Variants in OTUB2 observed in about 807,000 individuals in gnomAD.
The protein encoded by OTUB2 is ubiquitin thioesterase OTUB2.
Under a neutral mutation model 25.1 loss-of-function variants are expected in OTUB2, and 21 were observed. The ratio of observed to expected loss-of-function variants is 0.84; its 90% CI spans 0.59 to 1.21. The LOEUF is 1.21. Ranked by LOEUF, OTUB2 falls within the 50% of genes most tolerant of loss-of-function variation. OTUB2 has a pLI of 0.00. For synonymous variants in OTUB2, 122 were observed against 122.8 expected, an observed-to-expected ratio of 0.99 and a Z score of 0.04; for missense variants, 283 against 298.0, an observed-to-expected ratio of 0.95 and a Z score of 0.37.
At chr14:94,036,413 A>G (rs910840652) in intron 1 of OTUB2, among the ~76,000 whole-genome samples, 6 of 152,182 alleles carry the variant, frequency 3.9e-5, no homozygotes, top group African/African-American at 7.2e-5. Context: ...GCTGTAAACT[A>G]TAAGTGGCTT....
At chr14:94,026,561 G>A in intron 1 of OTUB2, 21 bp downstream of exon 1, 4 of 1,241,206 alleles carry the variant, frequency 3.2e-6, no homozygotes, top group Non-Finnish European at 3.0e-6. Flanking sequence ...GTGGGGGATC[G>A]CGAAGGGGGA....
At chr14:94,033,934 A>G (rs1228011086) in intron 1 of OTUB2, among the ~76,000 whole-genome samples, 1 of 152,258 alleles carries the variant, frequency 6.6e-6, no homozygotes, top group Non-Finnish European at 1.5e-5. Flanking sequence ...AGAATAGACC[A>G]AAACATGTTA....
intron 1 of OTUB2, among the ~76,000 whole-genome samples, chr14:94,036,097 G>A (rs8013924): frequency 0.54 from 81,703 of 151,936 alleles, 23,565 homozygotes; most frequent in African/African-American, 0.76. Context: ...AAATCCGGAT[G>A]TATTTCTTCA....
Position 94,039,301 on chromosome 14 carries a change from T to G in OTUB2, c.218+220T>G. 1.0e-5 allele frequency: 6 copies of G among 583,564 alleles called. No individual in the cohort carries two copies. In the South Asian group the frequency reaches 1.1e-4, roughly 10 times the overall value. The allele number at this position is 583,564 out of a possible 1,614,324, so 36.1% of individuals were successfully genotyped here. A position where few individuals can be genotyped will look rare whatever the true frequency, so the allele number is the denominator to read the frequency against. On this transcript the variant is annotated intron_variant, in intron 3 of 5. Coordinates refer to ENST00000203664, the MANE Select transcript of OTUB2 (RefSeq NM_023112.4). ...AGGATGGAATCTGTGACCTCCCAGA[T>G]GCTTTCCAGCCTCTGCTTCCACCAC...
chr14:94,032,117 G>A (rs1374344609), intron 1 of OTUB2, among the ~76,000 whole-genome samples: 1 of 152,154 alleles, frequency 6.6e-6, no homozygotes, highest in Non-Finnish European at 1.5e-5. Flanking sequence ...AACTTCGGCG[G>A]ACTTGGGTCA....
intron 1 of OTUB2, among the ~76,000 whole-genome samples, chr14:94,036,969 T>G (rs908873145): frequency 6.6e-6 from 1 of 152,144 alleles, no homozygotes; most frequent in Non-Finnish European, 1.5e-5. Flanking sequence ...GCTGGGCATG[T>G]GGATGTTCAG....
intron 1 of OTUB2, among the ~76,000 whole-genome samples, chr14:94,028,279 A>G (rs925832062): frequency 9.2e-5 from 14 of 152,352 alleles, no homozygotes; most frequent in African/African-American, 3.4e-4. Context: ...TTGAGCACCT[A>G]CTGCATGCGG....
At chr14:94,031,980 T>G (rs913652767) in intron 1 of OTUB2, among the ~76,000 whole-genome samples, 1 of 152,118 alleles carries the variant, frequency 6.6e-6, no homozygotes, top group Non-Finnish European at 1.5e-5. Flanking sequence ...GTCAGCCAGG[T>G]CAAGCATCAT....
chr14:94,032,417 A>G (rs1216900318), intron 1 of OTUB2, among the ~76,000 whole-genome samples: 3 of 152,228 alleles, frequency 2.0e-5, no homozygotes, highest in Non-Finnish European at 2.9e-5. Flanking sequence ...AATGCATTTC[A>G]TTTATAAGAG....
chr14:94,044,382 G>A (rs931254984), intron 4 of OTUB2, among the ~76,000 whole-genome samples: 1 of 152,192 alleles, frequency 6.6e-6, no homozygotes, highest in African/African-American at 2.4e-5. Context: ...CATGCCTCTG[G>A]ACTAGTGTAC....
chr14:94,041,649 C>A (rs971579481), intron 3 of OTUB2, among the ~76,000 whole-genome samples: 2 of 152,106 alleles, frequency 1.3e-5, no homozygotes, highest in East Asian at 1.9e-4. Context: ...GACACCAACG[C>A]CCTCCACACC....
chr14:94,035,286 C>CTTTTTTTTTTTTT (rs761154708), intron 1 of OTUB2, among the ~76,000 whole-genome samples: 3 of 104,034 alleles, frequency 2.9e-5, no homozygotes, highest in Non-Finnish European at 3.7e-5. Context: ...TTTTTCTTTT[C>CTTTTTTTTTTTTT]TTTTTTTTTT....
rs193029502 is a variant in OTUB2 at position 94,048,401 on chromosome 14, A to G, written c.*2479A>G. On this transcript the variant is annotated 3_prime_UTR_variant, in exon 6 of 6. Coordinates refer to ENST00000203664, the MANE Select transcript of OTUB2 (RefSeq NM_023112.4). ...AGTCCCTGCTTTTGACTGGGTTCCT[A>G]TTTTAAGCACAAATGAGAGCTCTGG... The G allele has an allele frequency of 2.6e-4, 39 of 152,336 alleles. No homozygotes were observed. Among genetic ancestry groups the G allele is most frequent in the Admixed American group, 2.2e-3 (33 of 15,306 alleles). The allele number at this position is 152,336 out of a possible 1,614,324, so 9.4% of individuals were successfully genotyped here.
At chr14:94,036,379 A>C (rs1311490042) in intron 1 of OTUB2, among the ~76,000 whole-genome samples, 1 of 152,224 alleles carries the variant, frequency 6.6e-6, no homozygotes, top group Non-Finnish European at 1.5e-5. Flanking sequence ...GGTTGTGTGC[A>C]GGAGCCAGCC....
rs1239118154 is a variant in OTUB2, at chr14:94,044,601, G to T, written c.319G>T (p.Glu107Ter). 6.2e-7 allele frequency: 1 copy of T among 1,613,554 alleles called. No individual in the cohort carries two copies. Among genetic ancestry groups the T allele is most frequent in the Non-Finnish European group, 8.5e-7 (1 of 1,179,714 alleles). ...NFFNAFYSVVELVEKDGSVSS... is the reference protein window; with the variant it reads ...NFFNAFYSVV ...GCGGGCGCAGTTTTACAGTGTGGTG[G>T]AACTGGTAGAGAAGGATGGCTCAGT... The change falls in exon 5 of 6, where the codon GAA becomes TAA. Residue 107 changes from glutamate (E) to a stop codon, truncating the protein, a stop_gained. Coordinates refer to ENST00000203664, the MANE Select transcript of OTUB2 (RefSeq NM_023112.4). LOFTEE classifies it high-confidence loss of function.
chr14:94,048,543 A>G lies in OTUB2; in HGVS notation c.*2621A>G, dbSNP rs777614750. 6.6e-6 allele frequency: 1 copy of G among 152,148 alleles called. No homozygotes were observed. Among genetic ancestry groups the G allele is most frequent in the African/African-American group, 2.4e-5 (1 of 41,412 alleles). The allele number at this position is 152,148 out of a possible 1,614,324, so 9.4% of individuals were successfully genotyped here. A position where few individuals can be genotyped will look rare whatever the true frequency, so the allele number is the denominator to read the frequency against. On this transcript the variant is annotated 3_prime_UTR_variant, in exon 6 of 6. Coordinates refer to ENST00000203664, the MANE Select transcript of OTUB2 (RefSeq NM_023112.4). ...AGTTTGTGAAATGGCAACAATACCT[A>G]TGTGTCACTGGATTATTGGTTAAAA...
chr14:94,029,477 G>A (rs1884919728), intron 1 of OTUB2, among the ~76,000 whole-genome samples: 3 of 152,166 alleles, frequency 2.0e-5, no homozygotes. Context: ...TGTGGTTGCA[G>A]AACTTTGATC....
At position 94,039,198 on chromosome 14, in the gene OTUB2, A is replaced by G. The variant is rs572507876; in HGVS notation, c.218+117A>G. On this transcript the variant is annotated intron_variant, in intron 3 of 5. Transcript: ENST00000203664. Reference sequence around the variant, plus strand: ...GGTTAACCCAGAGAATGAGCTGAAGAGCTGCCTGGCAGAGGCGTTTGATGT... The same window carrying G: ...GGTTAACCCAGAGAATGAGCTGAAGGGCTGCCTGGCAGAGGCGTTTGATGT... 9.8e-5 allele frequency: 81 copies of G among 824,614 alleles called. No homozygotes were observed. The African/African-American group carries it at 1.1e-3, about 11-fold the overall frequency. The allele number at this position is 824,614 out of a possible 1,614,324, so 51.1% of individuals were successfully genotyped here.
chr14:94,037,515 C>A, intron 2 of OTUB2, 40 bp downstream of exon 2: 1 of 1,462,734 alleles, frequency 6.8e-7, no homozygotes, highest in Non-Finnish European at 9.5e-7. Context: ...CGAAACTAAA[C>A]AGGCTGGAGT....
Sources: allele counts gnomAD v4.1 joint callset (sites outside exome capture counted in the v4.1 genomes callset), GRCh38; gene constraint gnomAD v4.1.1; transcripts MANE v1.5; gene names NCBI Gene and HGNC (gene_info 2026-07-23, HGNC 2026-07-21).